NEB: variants seen among roughly 807,000 people sequenced by gnomAD.
The protein encoded by NEB is nebulin.
NEB carries 512 observed loss-of-function variants against 952.2 expected under a neutral mutation model. The observed-to-expected ratio is 0.54, with a 90% CI of 0.50 to 0.58. NEB has a LOEUF of 0.58. Among genes scored for constraint, NEB ranks in the 20% least tolerant of loss-of-function variants. NEB has a pLI of 0.00. For missense variants in NEB, 8,428 were observed against 9,231.1 expected (o/e 0.91, Z 3.56); for synonymous variants, 2,900 against 3,149.8 (o/e 0.92, Z 2.66).
chr2:151,500,210 A>G (rs557809441), intron 168 of NEB, among the ~76,000 whole-genome samples: 47 of 152,318 alleles, frequency 3.1e-4, no homozygotes, highest in African/African-American at 1.1e-3. Context: ...AAACAGAACA[A>G]AAAGACAGTG....
At chr2:151,627,949 T>C (rs2098555346) in intron 68 of NEB, 115 bp from the exon 69 acceptor site, 2 of 1,334,962 alleles carry the variant, frequency 1.5e-6, no homozygotes, top group African/African-American at 1.5e-5. Flanking sequence ...AATGAAAGAA[T>C]CTGCATATCA....
rs995555461 is a variant in NEB at position 151,619,826 on chromosome 2, G to C, written c.10561-64C>G. The stretch of plus-strand genomic sequence containing the variant: ...AGGGCTATTCCCTGTTGTTCTTTCT[G>C]TGGTGGTGCTTTCTATGAAATCTTT... On this transcript the variant is annotated intron_variant, in intron 72 of 181. Coordinates refer to ENST00000397345, the MANE Select transcript of NEB (RefSeq NM_001164508.2). 2.7e-5 allele frequency: 40 copies of C among 1,489,908 alleles called. No homozygotes were observed. In the Admixed American group the frequency reaches 4.8e-4, roughly 18 times the overall value. The allele number at this position is 1,489,908 out of a possible 1,614,324, so 92.3% of individuals were successfully genotyped here.
chr2:151,626,271 C>T (rs973197098), intron 70 of NEB, among the ~76,000 whole-genome samples: 5 of 152,004 alleles, frequency 3.3e-5, no homozygotes, highest in African/African-American at 1.2e-4. Flanking sequence ...CGTGTCACCA[C>T]ACCCGGCTAA....
intron 9 of NEB, among the ~76,000 whole-genome samples, chr2:151,718,314 C>T (rs77581064): frequency 0.013 from 1,908 of 152,320 alleles, 45 homozygotes; most frequent in African/African-American, 0.044. Flanking sequence ...TTGAAATCTA[C>T]ATGCCTGCCC....
In NEB at chr2:151,674,479, C is replaced by T; in HGVS notation, c.3985G>A (p.Asp1329Asn). The T allele has an allele frequency of 6.2e-7, 1 of 1,613,096 alleles. No homozygotes were observed. The highest frequency in any genetic ancestry group is 8.5e-7 in the Non-Finnish European group (1 of 1,179,022). ...AAKASRNIAS[D>N]YKYKEAYEKS... ...CTTCACCTAAAATTTGTACTCACAT[C>T]ACTGGCAATGTTTCTCGATGCCTTG... Residue 1329 changes from aspartate to asparagine, a missense_variant and splice_region_variant, in exon 36 of 182, where the codon GAT (aspartate) becomes AAT (asparagine). Around this residue, in one of 11 missense-constraint regions of NEB, gnomAD observed 2,851 missense variants for 2,791.5 expected, o/e 1.02. Transcript: ENST00000397345.
At chr2:151,691,217 C>T (rs1407356458) in intron 23 of NEB, among the ~76,000 whole-genome samples, 2 of 152,088 alleles carry the variant, frequency 1.3e-5, no homozygotes, top group Non-Finnish European at 1.5e-5. Context: ...TTTCAGCCAC[C>T]CCATCCTTTC....
chr2:151,723,197 TA>T (rs1195221691), intron 9 of NEB, among the ~76,000 whole-genome samples, 184 bp downstream of exon 9: 1 of 152,224 alleles, frequency 6.6e-6, no homozygotes, highest in Non-Finnish European at 1.5e-5. Context: ...ATATTTAATA[TA>T]AAGTGTAAAT....
chr2:151,677,867 G>A lies in NEB; in HGVS notation c.3567+9C>T, dbSNP rs900791990. Reference sequence around the variant, plus strand: ...TAGGGGGGTTTCTTGAGAAGTAAATGACACTTACATCACTCTGTATCTGCA... The same window carrying A: ...TAGGGGGGTTTCTTGAGAAGTAAATAACACTTACATCACTCTGTATCTGCA... On this transcript the variant is annotated intron_variant, in intron 33 of 181. Transcript: ENST00000397345. 8.1e-6 allele frequency: 13 copies of A among 1,606,422 alleles called. No homozygotes were observed. The highest frequency in any genetic ancestry group is 1.1e-5 in the South Asian group (1 of 90,096).
chr2:151,664,701 A>ACT (rs1166524775), intron 43 of NEB, 58 bp downstream of exon 43: 15 of 1,529,690 alleles, frequency 9.8e-6, no homozygotes, highest in Non-Finnish European at 1.3e-5. Context: ...GAATGCAGAC[A>ACT]TAAGTATCAG....
In NEB at chr2:151,646,886, C is replaced by G. The variant is rs187729385; in HGVS notation, c.7432-652G>C. On this transcript the variant is annotated intron_variant, in intron 54 of 181. Coordinates refer to ENST00000397345, the MANE Select transcript of NEB (RefSeq NM_001164508.2). ...GCTGGCCTTGAACTCCCCACCTCAGCCTCCCAAAGTGCTGGGATTACAGGT... is the reference window on the plus strand; with the variant it reads ...GCTGGCCTTGAACTCCCCACCTCAGGCTCCCAAAGTGCTGGGATTACAGGT... 1.0e-3 allele frequency among the ~76,000 whole-genome samples: 152 copies of G among 152,238 alleles called. 6 individuals are homozygous for G. In the East Asian group the frequency reaches 0.027, roughly 28 times the overall value.
chr2:151,591,467 GA>G lies in NEB; in HGVS notation c.14827-13del. On this transcript the variant is annotated splice_polypyrimidine_tract_variant and intron_variant, in intron 95 of 181. Transcript: ENST00000397345. ...TGCTGATAGCGTTTCTGCAAACAGAGAGTGCAATGCCACAGTCAGTCTGAAG... is the reference window on the plus strand; with the variant it reads ...TGCTGATAGCGTTTCTGCAAACAGAGGTGCAATGCCACAGTCAGTCTGAAG... The G allele has an allele frequency of 6.5e-7, 1 of 1,544,202 alleles. No homozygotes were observed. The highest frequency in any genetic ancestry group is 1.4e-5 in the African/African-American group (1 of 72,724).
At chr2:151,562,853 A>G in intron 119 of NEB, 45 bp from the exon 120 acceptor site, 1 of 1,363,858 alleles carries the variant, frequency 7.3e-7, no homozygotes, top group Non-Finnish European at 1.0e-6. Context: ...TTTAAATGTA[A>G]ATTATTCAGA....
chr2:151,679,682 A>AAT, intron 32 of NEB, 39 bp downstream of exon 32: 5 of 458,230 alleles, frequency 1.1e-5, no homozygotes, highest in Non-Finnish European at 1.3e-5. Context: ...ACCCACCCAC[A>AAT]TTTTCTAGTT....
chr2:151,717,170 G>C (rs2099761369), intron 10 of NEB, among the ~76,000 whole-genome samples: 1 of 152,200 alleles, frequency 6.6e-6, no homozygotes, highest in African/African-American at 2.4e-5. Context: ...CATGGCTTCT[G>C]TTTTCAAAAG....
At chr2:151,615,389 C>T (rs980205177) in intron 76 of NEB, among the ~76,000 whole-genome samples, 1 of 152,156 alleles carries the variant, frequency 6.6e-6, no homozygotes, top group Non-Finnish European at 1.5e-5. Flanking sequence ...AGGACACTGG[C>T]CACCCTTAGG....
Position 151,724,842 on chromosome 2 carries a change from A to G in NEB, c.507+15T>C, listed in dbSNP as rs1032726602. On this transcript the variant is annotated intron_variant, in intron 7 of 181. Coordinates refer to ENST00000397345, the MANE Select transcript of NEB (RefSeq NM_001164508.2). ...ATGCTACTGAGTACCCCAGCCATCC[A>G]TATCATTGCCTTACCTTACTGACTT... is the stretch of plus-strand genomic sequence containing the variant. 10 of 1,605,562 alleles carry G rather than the reference A, an allele frequency of 6.2e-6. No individual in the cohort carries two copies. Among genetic ancestry groups the G allele is most frequent in the Non-Finnish European group, 8.5e-6 (10 of 1,173,466 alleles).
chr2:151,570,049 A>T lies in NEB; in HGVS notation c.17430+32T>A, dbSNP rs146843924. On this transcript the variant is annotated intron_variant, in intron 109 of 181. Coordinates refer to ENST00000397345, the MANE Select transcript of NEB (RefSeq NM_001164508.2). Reference sequence around the variant, plus strand: ...CTCTGGAAGTCATGGCAAACTGAGAAAAGAGTTCAACCCCAAATGCAGCCC... The same window carrying T: ...CTCTGGAAGTCATGGCAAACTGAGATAAGAGTTCAACCCCAAATGCAGCCC... 1,444 of 1,572,646 alleles carry T rather than the reference A, an allele frequency of 9.2e-4. 9 individuals are homozygous for T. In the African/African-American group the frequency reaches 0.017, roughly 19 times the overall value.
intron 9 of NEB, among the ~76,000 whole-genome samples, chr2:151,720,502 G>A (rs990122592): frequency 1.3e-5 from 2 of 152,188 alleles, no homozygotes; most frequent in African/African-American, 4.8e-5. Context: ...AGGAATAGCA[G>A]GGAAGACTTT....
chr2:151,618,438 C>G lies in NEB; in HGVS notation c.10913G>C (p.Gly3638Ala). Residue 3638 changes from glycine to alanine, a missense_variant, in exon 74 of 182, where the codon GGC (glycine) becomes GCC (alanine). Around this residue, in one of 11 missense-constraint regions of NEB, gnomAD observed 1,772 missense variants for 1,960.3 expected, o/e 0.90. Transcript: ENST00000397345. ...KSDLEWMKGI[G>A]WVPIDSLEVV... ...TTCCAAGGAATCAATCGGAACCCAGCCAATGCCTTTCATCCATTCAAGGTC... is the reference window on the plus strand; with the variant it reads ...TTCCAAGGAATCAATCGGAACCCAGGCAATGCCTTTCATCCATTCAAGGTC... 1.9e-6 allele frequency: 3 copies of G among 1,613,916 alleles called. No individual in the cohort carries two copies. The highest frequency in any genetic ancestry group is 1.7e-6 in the Non-Finnish European group (2 of 1,179,840).
Sources: allele counts gnomAD v4.1 joint callset (sites outside exome capture counted in the v4.1 genomes callset), GRCh38; gene constraint gnomAD v4.1.1; regional missense constraint gnomAD v4.1.1; transcripts MANE v1.5; gene names NCBI Gene and HGNC (gene_info 2026-07-23, HGNC 2026-07-21).